ATM: variants seen among roughly 807,000 people sequenced by gnomAD.
The protein encoded by ATM is serine-protein kinase ATM.
A neutral mutation model predicts 387.0 loss-of-function variants in ATM; 308 were observed. The observed-to-expected ratio is 0.80, with a 90% CI of 0.73 to 0.87. The LOEUF is 0.87. ATM is among the 40% of genes least tolerant of loss of function. The pLI, the probability that ATM is intolerant of heterozygous loss-of-function variation, is 0.00. For synonymous variants in ATM, 1,156 were observed against 1,187.3 expected, an observed-to-expected ratio of 0.97 and a Z score of 0.54; for missense variants, 3,312 against 3,560.9, an observed-to-expected ratio of 0.93 and a Z score of 1.78.
Position 108,235,667 on chromosome 11 carries a change from TAGG to T in ATM, c.332_334del (p.Arg111_Ala112delinsThr), listed in dbSNP as rs1060501621. On this transcript the variant is annotated splice_acceptor_variant and coding_sequence_variant, in exon 5 of 63. Coordinates refer to ENST00000675843, the MANE Select transcript of ATM (RefSeq NM_000051.4). LOFTEE classifies it high-confidence loss of function. The stretch of plus-strand genomic sequence containing the variant: ...TTTTCTTTATTTGTTTATTTTGAAA[TAGG>T]AGCACCTAGGCTAAAATGTCAAGAA... The T allele has an allele frequency of 6.2e-7, 1 of 1,602,546 alleles. No individual in the cohort carries two copies. The highest frequency in any genetic ancestry group is 8.5e-7 in the Non-Finnish European group (1 of 1,170,732).
At chr11:108,363,327 T>C (rs532835047) in intron 61 of ATM, among the ~76,000 whole-genome samples, 12 of 152,300 alleles carry the variant, frequency 7.9e-5, no homozygotes, top group African/African-American at 2.9e-4. Context: ...CACTTTAACC[T>C]GGGTGTATTT....
chr11:108,309,306 C>A (rs557362608), intron 38 of ATM, among the ~76,000 whole-genome samples: 7 of 152,298 alleles, frequency 4.6e-5, no homozygotes, highest in African/African-American at 1.7e-4. Context: ...GAAATTATTT[C>A]ACTTCTCTGA....
chr11:108,257,390 A>G (rs1188938220), intron 14 of ATM, 91 bp from the exon 15 acceptor site: 1 of 1,444,092 alleles, frequency 6.9e-7, no homozygotes. Context: ...TTTTTATTTT[A>G]TAGTATGTCC....
rs4987951 is a variant in ATM at position 108,253,759 on chromosome 11, T to A, written c.1899-55T>A. 3.0e-6 allele frequency: 4 copies of A among 1,348,340 alleles called. No homozygotes were observed. The highest frequency in any genetic ancestry group is 4.2e-6 in the Non-Finnish European group (4 of 948,298). The allele number at this position is 1,348,340 out of a possible 1,614,324, so 83.5% of individuals were successfully genotyped here. On this transcript the variant is annotated intron_variant, in intron 12 of 62. Coordinates refer to ENST00000675843, the MANE Select transcript of ATM (RefSeq NM_000051.4). ...CTTTGTAATATATTGCTAATACATA[T>A]AAGGCAAAGCATTAGGTACTTGGTT...
At position 108,366,708 on chromosome 11, in the gene ATM, C is replaced by T. The variant is rs2091350660; in HGVS notation, c.*1200C>T. On this transcript the variant is annotated 3_prime_UTR_variant, in exon 63 of 63. Transcript: ENST00000675843. ...GCATAAATACTGATAGGAGATTTCC[C>T]AGGCCAAGGCAAACACACTTCCTCC... is the stretch of plus-strand genomic sequence containing the variant. 2 of 231,194 alleles carry T rather than the reference C, an allele frequency of 8.7e-6. No individual in the cohort carries two copies. The highest frequency in any genetic ancestry group is 1.7e-5 in the Non-Finnish European group (2 of 116,758). 14.3% of individuals were successfully genotyped at this position (231,194 alleles called of 1,614,324 possible).
intron 13 of ATM, among the ~76,000 whole-genome samples, chr11:108,255,662 G>A (rs1396239126): frequency 6.6e-6 from 1 of 152,110 alleles, no homozygotes; most frequent in Non-Finnish European, 1.5e-5. Flanking sequence ...CTGACCTCAG[G>A]TGATCTGCCC....
rs1352686819 is a variant in ATM at position 108,365,789 on chromosome 11, G to A, written c.*281G>A. The A allele has an allele frequency of 1.7e-5, 7 of 421,794 alleles. No homozygotes were observed. Among genetic ancestry groups the A allele is most frequent in the Admixed American group, 3.8e-5 (1 of 26,152 alleles). The allele number at this position is 421,794 out of a possible 1,614,324, so 26.1% of individuals were successfully genotyped here. On this transcript the variant is annotated 3_prime_UTR_variant, in exon 63 of 63. Coordinates refer to ENST00000675843, the MANE Select transcript of ATM (RefSeq NM_000051.4). The stretch of plus-strand genomic sequence containing the variant: ...AGCACTTTGGGAGGCCGAGGTGAGC[G>A]GATCACAAGGTCAGGAGTTCGAGAC...
intron 25 of ATM, among the ~76,000 whole-genome samples, chr11:108,283,610 T>G (rs2082339967): frequency 6.6e-6 from 1 of 152,168 alleles, no homozygotes; most frequent in South Asian, 2.1e-4. Context: ...AAAAGTAAAT[T>G]TAGTGGTCCT....
intron 61 of ATM, among the ~76,000 whole-genome samples, chr11:108,360,719 A>G (rs1426248295): frequency 7.0e-6 from 1 of 142,274 alleles, no homozygotes; most frequent in African/African-American, 2.6e-5. Flanking sequence ...CAATAGATGC[A>G]GAAAAAGCCT....
chr11:108,229,034 G>A (rs1839676443), intron 3 of ATM, 144 bp from the exon 4 acceptor site: 2 of 762,066 alleles, frequency 2.6e-6, no homozygotes, highest in South Asian at 1.8e-5. Flanking sequence ...AGATTTAATT[G>A]TTTTATTTGT....
In ATM at chr11:108,279,472, T is replaced by C. The variant is rs749167327; in HGVS notation, c.3285-19T>C. The C allele has an allele frequency of 1.3e-6, 2 of 1,532,134 alleles. No individual in the cohort carries two copies. Among genetic ancestry groups the C allele is most frequent in the Admixed American group, 3.6e-5 (2 of 55,972 alleles). The allele number at this position is 1,532,134 out of a possible 1,614,324, so 94.9% of individuals were successfully genotyped here. ...AATTATTTCACTTTTTGTTTGTTTGTTTGCTTGCTTGTTTTAAGATTGTTC... is the reference window on the plus strand; with the variant it reads ...AATTATTTCACTTTTTGTTTGTTTGCTTGCTTGCTTGTTTTAAGATTGTTC... On this transcript the variant is annotated intron_variant, in intron 22 of 62. Coordinates refer to ENST00000675843, the MANE Select transcript of ATM (RefSeq NM_000051.4).
chr11:108,235,063 G>A (rs2079198824), intron 4 of ATM, among the ~76,000 whole-genome samples: 1 of 151,736 alleles, frequency 6.6e-6, no homozygotes, highest in African/African-American at 2.4e-5. Flanking sequence ...ATTGCTTTTC[G>A]AGATGAGCAG....
chr11:108,245,018 A>C lies in ATM; in HGVS notation c.893A>C (p.Gln298Pro), dbSNP rs2079775401. Residue 298 changes from glutamine to proline, a missense_variant, in exon 7 of 63, where the codon CAA becomes CCA. Transcript: ENST00000675843. Reference sequence around the variant, plus strand: ...CATCATCCGAAAGGAGCCAAAACCCAAGAAAAAGGTATAAAGGAAATGTTT... The same window carrying C: ...CATCATCCGAAAGGAGCCAAAACCCCAGAAAAAGGTATAAAGGAAATGTTT... The part of the protein sequence containing the change: ...YIHHPKGAKT[Q>P]EKGAYESTKW... The C allele has an allele frequency of 6.2e-7, 1 of 1,603,656 alleles. No individual in the cohort carries two copies. The highest frequency in any genetic ancestry group is 1.1e-5 in the South Asian group (1 of 90,946).
intron 10 of ATM, 112 bp from the exon 11 acceptor site, chr11:108,251,725 A>G: frequency 9.7e-7 from 1 of 1,036,136 alleles, no homozygotes; most frequent in Non-Finnish European, 1.5e-6. Flanking sequence ...AACAGTTTTT[A>G]TGTTCATTTA....
At position 108,286,701 on chromosome 11, in the gene ATM, C is replaced by T. The variant is rs546624450; in HGVS notation, c.3994-899C>T. ...AAAGTTGGGGTTTTCCTTTTGATTT[C>T]GTTCTAGGAGGTCAGCATGGATTGA... On this transcript the variant is annotated intron_variant, in intron 26 of 62. Coordinates refer to ENST00000675843, the MANE Select transcript of ATM (RefSeq NM_000051.4). 2.6e-5 allele frequency among the ~76,000 whole-genome samples: 4 copies of T among 152,230 alleles called. No individual in the cohort carries two copies. The South Asian group carries it at 6.2e-4, about 24-fold the overall frequency.
At position 108,271,120 on chromosome 11, in the gene ATM, T is replaced by C. The variant is rs1424320755; in HGVS notation, c.2895T>C (p.Asp965=). Residue 965 remains aspartate, a synonymous_variant, in exon 19 of 63, where the codon GAT becomes GAC. Coordinates refer to ENST00000675843, the MANE Select transcript of ATM (RefSeq NM_000051.4). ...PGEEYPLPME[D]VLELLKPLSN... Reference sequence around the variant, plus strand: ...AAGAGTACCCCTTGCCAATGGAAGATGTTCTTGAACTTCTGAAACCACTAT... The same window carrying C: ...AAGAGTACCCCTTGCCAATGGAAGACGTTCTTGAACTTCTGAAACCACTAT... 2 of 1,614,156 alleles carry C rather than the reference T, an allele frequency of 1.2e-6. No homozygotes were observed. The highest frequency in any genetic ancestry group is 1.7e-6 in the Non-Finnish European group (2 of 1,180,012).
chr11:108,342,449 C>T (rs1428820951), intron 56 of ATM, among the ~76,000 whole-genome samples: 2 of 152,008 alleles, frequency 1.3e-5, no homozygotes, highest in East Asian at 3.8e-4. Context: ...TTACTTAATA[C>T]TTACAACTAT....
intron 22 of ATM, among the ~76,000 whole-genome samples, chr11:108,274,418 ATTTG>A (rs2081813754): frequency 6.6e-6 from 1 of 151,860 alleles, no homozygotes; most frequent in South Asian, 2.1e-4. Flanking sequence ...TAGCTTTTGA[ATTTG>A]TTTGCTCTTG....
At chr11:108,320,212 C>G (rs918363309) in intron 44 of ATM, among the ~76,000 whole-genome samples, 154 bp downstream of exon 44, 4 of 152,136 alleles carry the variant, frequency 2.6e-5, no homozygotes, top group African/African-American at 9.7e-5. Flanking sequence ...AATTCTCTGC[C>G]CTCCTTCAAA....
Sources: allele counts gnomAD v4.1 joint callset (sites outside exome capture counted in the v4.1 genomes callset), GRCh38; gene constraint gnomAD v4.1.1; transcripts MANE v1.5; gene names NCBI Gene and HGNC (gene_info 2026-07-23, HGNC 2026-07-21).